The following SMAD6 variants were observed in gnomAD, a reference collection of about 807,000 sequenced individuals.
The protein encoded by SMAD6 is SMAD family member 6, also known as MAD homolog 6.
Under a neutral mutation model 39.4 loss-of-function variants are expected in SMAD6, and 103 were observed. That is an observed-to-expected ratio of 2.62 (90% CI 2.23 to 3.08). The LOEUF (loss-of-function observed/expected upper bound fraction) is 3.08. Ranked by LOEUF, SMAD6 falls within the 30% of genes most tolerant of loss-of-function variation. The probability of loss-of-function intolerance (pLI) is 0.00; values close to 1 mark genes in which losing one functional copy is unlikely to be tolerated. For synonymous variants in SMAD6, 445 were observed against 353.3 expected (o/e 1.26, Z -2.91); for missense variants, 1,104 against 742.9 (o/e 1.49, Z -5.65).
intron 3 of SMAD6, among the ~76,000 whole-genome samples, chr15:66,759,336 AAGAGAG>A (rs5813403): frequency 6.0e-5 from 9 of 150,376 alleles, no homozygotes; most frequent in South Asian, 4.2e-4. Context: ...GACAGAGAGG[AAGAGAG>A]AGAGAGAGAG....
At chr15:66,758,860 T>C (rs1894148650) in intron 3 of SMAD6, among the ~76,000 whole-genome samples, 1 of 152,018 alleles carries the variant, frequency 6.6e-6, no homozygotes, top group African/African-American at 2.4e-5. Context: ...GGAAAAGACA[T>C]AGAAGTCAAT....
At chr15:66,746,318 C>T (rs11631842) in intron 3 of SMAD6, among the ~76,000 whole-genome samples, 42,596 of 152,084 alleles carry the variant, frequency 0.28, 6,510 homozygotes, top group East Asian at 0.44. Flanking sequence ...GACCCATAGG[C>T]TCTCCTCCTC....
chr15:66,770,334 G>T (rs1364530607), intron 3 of SMAD6, among the ~76,000 whole-genome samples: 1 of 152,190 alleles, frequency 6.6e-6, no homozygotes, highest in Non-Finnish European at 1.5e-5. Flanking sequence ...CCAGCCTGAT[G>T]TAAGAACCGG....
chr15:66,747,337 G>A lies in SMAD6; in HGVS notation c.952+30839G>A, dbSNP rs1197264692. ...CTTCCCCATGAGCGCCTTACCTGCC[G>A]GTGCTAAGGAGCCTGGCTTTGATTT... is the stretch of plus-strand genomic sequence containing the variant. On this transcript the variant is annotated intron_variant, in intron 3 of 3. Coordinates refer to ENST00000288840, the MANE Select transcript of SMAD6 (RefSeq NM_005585.5). This position sits in a 1 kb window ranked among gnomAD's most constrained non-coding sequence, Gnocchi z 4.5. Among the ~76,000 whole-genome samples, 2 of 152,360 alleles carry A rather than the reference G, an allele frequency of 1.3e-5. No homozygotes were observed. The highest frequency in any genetic ancestry group is 3.9e-4 in the East Asian group (2 of 5,190).
intron 3 of SMAD6, among the ~76,000 whole-genome samples, chr15:66,732,325 G>A (rs896356821): frequency 1.3e-5 from 2 of 151,950 alleles, no homozygotes; most frequent in African/African-American, 2.4e-5. Flanking sequence ...ATCTTCTTTG[G>A]TGAAGTGTCT....
rs1242699041 is a variant in SMAD6, at chr15:66,703,450, C to G, written c.192C>G (p.Ala64=). The G allele has an allele frequency of 7.9e-7, 1 of 1,273,566 alleles. No individual in the cohort carries two copies. The highest frequency in any genetic ancestry group is 9.9e-7 in the Non-Finnish European group (1 of 1,006,468). The allele number at this position is 1,273,566 out of a possible 1,614,324, so 78.9% of individuals were successfully genotyped here. Residue 64 remains alanine (A), a synonymous_variant, in exon 1 of 4, where the codon GCC becomes GCG. Coordinates refer to ENST00000288840, the MANE Select transcript of SMAD6 (RefSeq NM_005585.5). ...GCGRSEVRPV[A]PRRPRDAVGQ... is the part of the protein sequence containing the mutation. Reference sequence around the variant, plus strand: ...GCCGCTCCGAAGTCCGCCCGGTAGCCCCGCGGCGGCCCCGGGACGCAGTGG... The same window carrying G: ...GCCGCTCCGAAGTCCGCCCGGTAGCGCCGCGGCGGCCCCGGGACGCAGTGG...
At chr15:66,760,205 A>G (rs895646822) in intron 3 of SMAD6, among the ~76,000 whole-genome samples, 2 of 145,400 alleles carry the variant, frequency 1.4e-5, no homozygotes, top group Non-Finnish European at 3.0e-5. Flanking sequence ...CCCCTCATTT[A>G]TAATGCTCTT....
At chr15:66,736,905 T>C (rs1595779054) in intron 3 of SMAD6, among the ~76,000 whole-genome samples, 1 of 152,282 alleles carries the variant, frequency 6.6e-6, no homozygotes, top group South Asian at 2.1e-4. Context: ...CTCGACCTCA[T>C]GATCCACCCA....
Position 66,781,170 on chromosome 15 carries a change from C to A in SMAD6, c.1126C>A (p.Arg376Ser). The A allele has an allele frequency of 6.2e-7, 1 of 1,607,630 alleles. No individual in the cohort carries two copies. Residue 376 changes from arginine (R) to serine (S), a missense_variant, in exon 4 of 4, where the codon CGC (arginine) becomes AGC (serine). Physicochemically the swap from Arg to Ser is moderately radical, Grantham distance 110 (BLOSUM62 -1). Coordinates refer to ENST00000288840, the MANE Select transcript of SMAD6 (RefSeq NM_005585.5). The part of the protein sequence containing the change: ...FCLGQLNLEQ[R>S]SESVRRTRSK... ...CCTGGGCCAGCTCAACCTGGAGCAG[C>A]GCAGCGAGTCGGTGCGGCGAACGCG...
intron 3 of SMAD6, among the ~76,000 whole-genome samples, chr15:66,768,830 C>G (rs550407137): frequency 6.6e-6 from 1 of 152,156 alleles, no homozygotes; most frequent in Non-Finnish European, 1.5e-5. Flanking sequence ...TCTGCATTGC[C>G]GAGAGCACCT....
intron 3 of SMAD6, among the ~76,000 whole-genome samples, chr15:66,723,361 A>G (rs2140615129): frequency 6.6e-6 from 1 of 152,332 alleles, no homozygotes. Flanking sequence ...GGGCTTTTGA[A>G]TGACAAGTCA....
intron 3 of SMAD6, among the ~76,000 whole-genome samples, chr15:66,755,051 C>T (rs184534807): frequency 1.0e-3 from 158 of 152,302 alleles, no homozygotes; most frequent in South Asian, 2.9e-3. Flanking sequence ...TTACTGCACA[C>T]TCTCATACGG....
At chr15:66,746,619 C>T (rs1402910178) in intron 3 of SMAD6, among the ~76,000 whole-genome samples, 1 of 152,182 alleles carries the variant, frequency 6.6e-6, no homozygotes, top group East Asian at 1.9e-4. Flanking sequence ...CACCCTCTTG[C>T]ATGTGGGAGG....
intron 1 of SMAD6, 32 bp from the exon 2 acceptor site, chr15:66,711,636 C>G (rs775129704): frequency 1.3e-6 from 2 of 1,585,658 alleles, no homozygotes; most frequent in Middle Eastern, 1.7e-4. Flanking sequence ...CTCCCCAACC[C>G]TGGCAGTGAC....
At chr15:66,716,530 G>A in intron 3 of SMAD6, 32 bp downstream of exon 3, 3 of 1,523,308 alleles carry the variant, frequency 2.0e-6, no homozygotes, top group Non-Finnish European at 2.7e-6. Flanking sequence ...TTGCTGTTGT[G>A]TTGAAATTTA....
At position 66,703,869 on chromosome 15, in the gene SMAD6, G is replaced by GC; in HGVS notation, c.612dup (p.Cys205LeufsTer98). On this transcript the variant is annotated frameshift_variant, in exon 1 of 4. Coordinates refer to ENST00000288840, the MANE Select transcript of SMAD6 (RefSeq NM_005585.5). LOFTEE classifies it high-confidence loss of function. ...GAGTCCCGCGGCGGCGTGCCGGGCG[G>GC]CTGCGTGCTGGTGCCGCGCGCCGAC... is the stretch of plus-strand genomic sequence containing the variant. 7.5e-7 allele frequency: 1 copy of GC among 1,337,374 alleles called. No individual in the cohort carries two copies. Among genetic ancestry groups the GC allele is most frequent in the Non-Finnish European group, 9.6e-7 (1 of 1,036,638 alleles). 82.8% of individuals were successfully genotyped at this position (1,337,374 alleles called of 1,614,324 possible).
intron 3 of SMAD6, among the ~76,000 whole-genome samples, chr15:66,779,214 C>A (rs1208616394): frequency 2.0e-5 from 3 of 152,160 alleles, no homozygotes; most frequent in Non-Finnish European, 4.4e-5. Flanking sequence ...AGTGACCTCC[C>A]AAGGGCTTGA....
At chr15:66,745,550 T>G in intron 3 of SMAD6, among the ~76,000 whole-genome samples, 1 of 152,362 alleles carries the variant, frequency 6.6e-6, no homozygotes, top group East Asian at 1.9e-4. Flanking sequence ...CACTTTTACA[T>G]TGGCACAAAC....
intron 3 of SMAD6, among the ~76,000 whole-genome samples, chr15:66,722,678 C>A (rs1009582830): frequency 6.6e-6 from 1 of 152,188 alleles, no homozygotes; most frequent in Non-Finnish European, 1.5e-5. Context: ...TTAGCTTTGA[C>A]CAACCAAAGG....
Sources: gnomAD v4.1 joint callset for allele counts (sites outside exome capture counted in the v4.1 genomes callset) on GRCh38, gnomAD v4.1.1 for gene constraint, Gnocchi (gnomAD v3.1) non-coding constraint, MANE v1.5 for transcripts, NCBI Gene and HGNC (gene_info 2026-07-23, HGNC 2026-07-21) for gene names.